EHBP1: variants seen among roughly 807,000 people sequenced by gnomAD.
The protein encoded by EHBP1 is EH domain binding protein 1.
In EHBP1, 55 loss-of-function variants were observed where a neutral mutation model predicts 144.0. That is an observed-to-expected ratio of 0.38 (90% confidence interval 0.31 to 0.48). EHBP1 has a LOEUF of 0.48. Among genes scored for constraint, EHBP1 ranks in the 20% least tolerant of loss-of-function variants. EHBP1 has a pLI of 0.98. For synonymous variants in EHBP1, 469 were observed against 472.7 expected (o/e 0.99, Z 0.10); for missense variants, 1,200 against 1,364.2 (o/e 0.88, Z 1.90).
chr2:62,992,571 A>C (rs1277360382), intron 16 of EHBP1, among the ~76,000 whole-genome samples: 1 of 152,196 alleles, frequency 6.6e-6, no homozygotes, highest in Non-Finnish European at 1.5e-5. Context: ...GTTCTCTTGA[A>C]GCTTTCAGCG....
Position 62,940,233 on chromosome 2 carries a change from A to G in EHBP1, c.1186-2485A>G, listed in dbSNP as rs907282295. 2.1e-4 allele frequency: 67 copies of G among 319,728 alleles called. No homozygotes were observed. In the Admixed American group the frequency reaches 2.1e-3, roughly 10 times the overall value. 19.8% of individuals were successfully genotyped at this position (319,728 alleles called of 1,614,324 possible). A position where few individuals can be genotyped will look rare whatever the true frequency, so the allele number is the denominator to read the frequency against. On this transcript the variant is annotated intron_variant, in intron 10 of 22. Transcript: ENST00000431489. ...CCTTCTGAGATTGTTAAATAGATTTATTCGGTCAGTATTGAGCCAAGAGTT... is the reference window on the plus strand; with the variant it reads ...CCTTCTGAGATTGTTAAATAGATTTGTTCGGTCAGTATTGAGCCAAGAGTT...
intron 1 of EHBP1, among the ~76,000 whole-genome samples, chr2:62,675,683 A>G (rs547293221): frequency 1.3e-5 from 2 of 152,326 alleles, no homozygotes; most frequent in South Asian, 4.1e-4. Flanking sequence ...GCCACATAGA[A>G]GGAAGAACCC....
At chr2:62,756,266 G>GCAAA (rs776749527) in intron 3 of EHBP1, among the ~76,000 whole-genome samples, 33 of 152,132 alleles carry the variant, frequency 2.2e-4, no homozygotes, top group Non-Finnish European at 2.9e-4. Flanking sequence ...AATCCAGAAT[G>GCAAA]CAAACATATG....
chr2:62,719,569 T>C (rs2036011882), intron 2 of EHBP1, among the ~76,000 whole-genome samples: 1 of 152,202 alleles, frequency 6.6e-6, no homozygotes, highest in Non-Finnish European at 1.5e-5. Flanking sequence ...ACACAAAGTA[T>C]AGTTGGTCCT....
chr2:62,712,601 A>G (rs1337815766), intron 2 of EHBP1, among the ~76,000 whole-genome samples: 1 of 152,208 alleles, frequency 6.6e-6, no homozygotes, highest in Non-Finnish European at 1.5e-5. Context: ...AGGGGAAGAG[A>G]GACAGGGAAA....
At chr2:62,701,983 C>T (rs1057000989), upstream of EHBP1, among the ~76,000 whole-genome samples, 17 of 152,210 alleles carry the variant, frequency 1.1e-4, no homozygotes, top group East Asian at 2.1e-3. Flanking sequence ...ATACCTCTGA[C>T]AATTTTTACT....
chr2:62,892,841 A>AAT (rs1161217362), intron 10 of EHBP1, among the ~76,000 whole-genome samples: 1 of 152,144 alleles, frequency 6.6e-6, no homozygotes, highest in Non-Finnish European at 1.5e-5. Flanking sequence ...ATCACATCCA[A>AAT]ATCATTACCA....
chr2:62,834,880 G>C (rs1487869635), intron 7 of EHBP1, among the ~76,000 whole-genome samples: 1 of 152,222 alleles, frequency 6.6e-6, no homozygotes, highest in Non-Finnish European at 1.5e-5. Context: ...TTGATGTATG[G>C]ATTTTGGTAT....
At chr2:62,945,107 A>G (rs1400544120) in intron 12 of EHBP1, among the ~76,000 whole-genome samples, 2 of 152,188 alleles carry the variant, frequency 1.3e-5, no homozygotes, top group Non-Finnish European at 2.9e-5. Context: ...AATCACAGAT[A>G]TTTTCGATAT....
In EHBP1 at chr2:62,914,021, T is replaced by C. The variant is rs139949507; in HGVS notation, c.1186-28697T>C. 1.1e-4 allele frequency among the ~76,000 whole-genome samples: 17 copies of C among 152,286 alleles called. No individual in the cohort carries two copies. In the East Asian group the frequency reaches 3.1e-3, roughly 28 times the overall value. ...ACACCAAAGCTAATAATGAGGTAAT[T>C]TGGGTCATATGACAATTCCTAGAAA... On this transcript the variant is annotated intron_variant, in intron 10 of 22. Transcript: ENST00000431489.
intron 10 of EHBP1, among the ~76,000 whole-genome samples, chr2:62,921,595 G>A (rs534549417): frequency 5.3e-5 from 8 of 151,556 alleles, no homozygotes; most frequent in Non-Finnish European, 1.2e-4. Flanking sequence ...GGAAATGAAG[G>A]ACAAAAAAGA....
chr2:62,891,619 G>A (rs574201634), intron 10 of EHBP1, among the ~76,000 whole-genome samples: 3 of 152,070 alleles, frequency 2.0e-5, no homozygotes, highest in African/African-American at 7.2e-5. Context: ...TCAGACTACT[G>A]TGGGACATGT....
intron 13 of EHBP1, among the ~76,000 whole-genome samples, chr2:62,949,454 T>C (rs1351208525): frequency 3.3e-5 from 5 of 152,152 alleles, no homozygotes; most frequent in Admixed American, 2.6e-4. Context: ...GTTTATGATA[T>C]AATATTTTAA....
chr2:62,880,208 TAACTC>T (rs1344633636), intron 10 of EHBP1, among the ~76,000 whole-genome samples: 1 of 151,784 alleles, frequency 6.6e-6, no homozygotes, highest in African/African-American at 2.4e-5. Context: ...ATACAAAAAT[TAACTC>T]AAGATGCATT....
At chr2:63,006,136 G>A (rs945612824) in intron 19 of EHBP1, among the ~76,000 whole-genome samples, 12 of 151,888 alleles carry the variant, frequency 7.9e-5, no homozygotes, top group African/African-American at 2.9e-4. Flanking sequence ...TTTGGACTAG[G>A]GAGGCTAAGA....
intron 1 of EHBP1, among the ~76,000 whole-genome samples, chr2:62,683,584 G>A (rs1420213021): frequency 3.3e-5 from 5 of 150,756 alleles, no homozygotes; most frequent in African/African-American, 4.9e-5. Context: ...GTGTGAATCC[G>A]GGAGACGGAG....
At chr2:62,911,340 C>T (rs1444950884) in intron 10 of EHBP1, among the ~76,000 whole-genome samples, 1 of 152,168 alleles carries the variant, frequency 6.6e-6, no homozygotes, top group African/African-American at 2.4e-5. Context: ...ACAGATGCTA[C>T]TGCTATTATT....
intron 2 of EHBP1, among the ~76,000 whole-genome samples, chr2:62,733,829 C>T (rs1039325075): frequency 6.6e-6 from 1 of 152,158 alleles, no homozygotes; most frequent in Non-Finnish European, 1.5e-5. Flanking sequence ...TCAGACTTGT[C>T]CACATCCAAC....
chr2:62,850,391 T>C (rs1159304892), intron 7 of EHBP1, among the ~76,000 whole-genome samples: 1 of 152,192 alleles, frequency 6.6e-6, no homozygotes, highest in Non-Finnish European at 1.5e-5. Context: ...CCCACCTTTT[T>C]TGTTCAATGT....
Sources: allele counts gnomAD v4.1 joint callset (sites outside exome capture counted in the v4.1 genomes callset), GRCh38; gene constraint gnomAD v4.1.1; transcripts MANE v1.5; gene names NCBI Gene and HGNC (gene_info 2026-07-23, HGNC 2026-07-21).